Variants in RSRC1 observed in about 807,000 individuals in gnomAD.
RSRC1 encodes serine/Arginine-related protein 53.
Under a neutral mutation model 49.1 loss-of-function variants are expected in RSRC1, and 39 were observed. The observed-to-expected ratio is 0.79, with a 90% CI of 0.61 to 1.04. The LOEUF (loss-of-function observed/expected upper bound fraction) is 1.04. RSRC1 is among the 50% of genes least tolerant of loss of function. The pLI is 0.00. For synonymous variants in RSRC1, 143 were observed against 130.8 expected, an observed-to-expected ratio of 1.09 and a Z score of -0.63; for missense variants, 388 against 402.4, an observed-to-expected ratio of 0.96 and a Z score of 0.31.
chr3:158,350,179 A>AATT (rs1553790811), intron 5 of RSRC1, among the ~76,000 whole-genome samples: 13,163 of 126,434 alleles, frequency 0.1, 942 homozygotes, highest in South Asian at 0.14. Context: ...TATATATATA[A>AATT]TTTTTTTTTT....
intron 6 of RSRC1, among the ~76,000 whole-genome samples, chr3:158,408,715 A>G (rs1260870484): frequency 6.6e-6 from 1 of 152,050 alleles, no homozygotes; most frequent in Non-Finnish European, 1.5e-5. Context: ...ACAGAAAACC[A>G]AATACCACAT....
intron 6 of RSRC1, among the ~76,000 whole-genome samples, chr3:158,368,754 T>C (rs1731911097): frequency 6.6e-6 from 1 of 152,218 alleles, no homozygotes; most frequent in South Asian, 2.1e-4. Flanking sequence ...ATTGTAAAAT[T>C]ATGTAATGAG....
intron 7 of RSRC1, among the ~76,000 whole-genome samples, chr3:158,500,537 C>G (rs958332360): frequency 2.0e-5 from 3 of 151,992 alleles, no homozygotes; most frequent in African/African-American, 7.2e-5. Flanking sequence ...TTCAATCTCA[C>G]TGCTCATTAT....
intron 4 of RSRC1, among the ~76,000 whole-genome samples, chr3:158,258,577 G>C (rs982622143): frequency 6.6e-6 from 1 of 151,902 alleles, no homozygotes; most frequent in Non-Finnish European, 1.5e-5. Context: ...CTTGAATACT[G>C]GTGTCTTTCT....
intron 4 of RSRC1, among the ~76,000 whole-genome samples, chr3:158,220,137 G>GATTAA (rs1273419055): frequency 6.6e-6 from 1 of 151,604 alleles, no homozygotes; most frequent in Non-Finnish European, 1.5e-5. Flanking sequence ...TTTGCATGAA[G>GATTAA]ATTAAAACAG....
chr3:158,189,684 C>G (rs143261696), intron 3 of RSRC1, among the ~76,000 whole-genome samples: 2 of 151,818 alleles, frequency 1.3e-5, no homozygotes, highest in East Asian at 3.9e-4. Flanking sequence ...AGATTGTTGC[C>G]TTCAGTTGGA....
chr3:158,241,018 A>G (rs1723542352), intron 4 of RSRC1, among the ~76,000 whole-genome samples: 1 of 152,188 alleles, frequency 6.6e-6, no homozygotes, highest in Non-Finnish European at 1.5e-5. Flanking sequence ...ATGCTACCTA[A>G]TGTATAAACT....
In RSRC1 at chr3:158,513,877, T is replaced by G. The variant is rs541292222; in HGVS notation, c.653-23215T>G. Among the ~76,000 whole-genome samples the G allele has an allele frequency of 5.0e-3, 759 of 152,346 alleles. 1 individual carries two copies. Among genetic ancestry groups the G allele is most frequent in the African/African-American group, 0.017 (711 of 41,570 alleles). ...TGTATGTGTCAAGGAATTTATCCAT[T>G]TCTTCTAGATTTTCTAGTTTATTTG... is the stretch of plus-strand genomic sequence containing the variant. On this transcript the variant is annotated intron_variant, in intron 7 of 9. Transcript: ENST00000611884.
chr3:158,150,534 GT>G (rs1289867625), intron 3 of RSRC1, among the ~76,000 whole-genome samples: 1 of 151,970 alleles, frequency 6.6e-6, no homozygotes, highest in African/African-American at 2.4e-5. Flanking sequence ...GTCTGGTTGT[GT>G]TTTTTTCCAT....
At chr3:158,145,403 T>G (rs1387147237) in intron 3 of RSRC1, among the ~76,000 whole-genome samples, 1 of 152,166 alleles carries the variant, frequency 6.6e-6, no homozygotes, top group Non-Finnish European at 1.5e-5. Flanking sequence ...TTTCCCCATT[T>G]CTTGTTTTTG....
chr3:158,466,416 C>G (rs1737893611), intron 7 of RSRC1, among the ~76,000 whole-genome samples: 1 of 152,142 alleles, frequency 6.6e-6, no homozygotes, highest in Non-Finnish European at 1.5e-5. Flanking sequence ...CTGTTTACTA[C>G]AAACACAAAT....
chr3:158,458,109 G>A lies in RSRC1; in HGVS notation c.584-2826G>A, dbSNP rs78584732. 1.6e-4 allele frequency among the ~76,000 whole-genome samples: 24 copies of A among 152,212 alleles called. No individual in the cohort carries two copies. In the East Asian group the frequency reaches 4.4e-3, roughly 28 times the overall value. On this transcript the variant is annotated intron_variant, in intron 6 of 9. Transcript: ENST00000611884. ...GGCAGTGAGTCTGAGAAAATATAAG[G>A]GAGTGTGGGGAGTTGGTATGGGGTT... is the stretch of plus-strand genomic sequence containing the variant.
rs1333891256 is a variant in RSRC1, at chr3:158,463,723, A to T, written c.652+2720A>T. 5.9e-5 allele frequency among the ~76,000 whole-genome samples: 9 copies of T among 152,238 alleles called. No homozygotes were observed. In the South Asian group the frequency reaches 1.7e-3, roughly 28 times the overall value. ...GTCTTCCTTTGAGTGTTCTTAAATC[A>T]ATAACATAATTATGTTTGCAAGTAT... On this transcript the variant is annotated intron_variant, in intron 7 of 9. Coordinates refer to ENST00000611884, the MANE Select transcript of RSRC1 (RefSeq NM_001271838.2).
At chr3:158,505,943 A>C (rs1216948786) in intron 7 of RSRC1, among the ~76,000 whole-genome samples, 1 of 152,228 alleles carries the variant, frequency 6.6e-6, no homozygotes, top group African/African-American at 2.4e-5. Flanking sequence ...AGGTTTTATC[A>C]TGCAGAGATT....
intron 4 of RSRC1, among the ~76,000 whole-genome samples, chr3:158,253,577 G>A (rs768022847): frequency 3.8e-4 from 58 of 152,078 alleles, no homozygotes; most frequent in Admixed American, 8.5e-4. Context: ...TATCAATTAG[G>A]TCCGTTTCCT....
intron 4 of RSRC1, among the ~76,000 whole-genome samples, chr3:158,277,368 G>A (rs1050035841): frequency 1.3e-5 from 2 of 152,118 alleles, no homozygotes; most frequent in Admixed American, 1.3e-4. Context: ...TGCAATCTAT[G>A]ATCATATTCA....
intron 7 of RSRC1, among the ~76,000 whole-genome samples, chr3:158,463,906 G>A (rs912098878): frequency 6.6e-6 from 1 of 152,086 alleles, no homozygotes; most frequent in Non-Finnish European, 1.5e-5. Context: ...TAGTACATTG[G>A]TGATAGGCGC....
chr3:158,453,120 A>G (rs139063664), intron 6 of RSRC1, among the ~76,000 whole-genome samples: 90 of 152,160 alleles, frequency 5.9e-4, no homozygotes, highest in African/African-American at 2.0e-3. Flanking sequence ...ATAATATTGC[A>G]CTGTGTTTAG....
At chr3:158,222,421 A>G (rs531148772) in intron 4 of RSRC1, among the ~76,000 whole-genome samples, 3 of 151,712 alleles carry the variant, frequency 2.0e-5, no homozygotes, top group Admixed American at 6.6e-5. Flanking sequence ...TACCACAAAA[A>G]TAAGTATATG....
Sources: allele counts gnomAD v4.1 joint callset (sites outside exome capture counted in the v4.1 genomes callset), GRCh38; gene constraint gnomAD v4.1.1; transcripts MANE v1.5; gene names NCBI Gene and HGNC (gene_info 2026-07-23, HGNC 2026-07-21).